Variants in NAALADL2 observed in about 807,000 individuals in gnomAD.
NAALADL2 encodes the protein inactive N-acetylated-alpha-linked acidic dipeptidase-like protein 2.
A neutral mutation model predicts 87.2 loss-of-function variants in NAALADL2; 76 were observed. The ratio of observed to expected loss-of-function variants is 0.87; its 90% confidence interval spans 0.72 to 1.05. The LOEUF (loss-of-function observed/expected upper bound fraction) is 1.05, where lower values mean the gene tolerates loss of function less well. Among genes scored for constraint, NAALADL2 ranks in the 50% least tolerant of loss-of-function variants. NAALADL2 has a pLI of 0.00. For missense variants in NAALADL2, 1,089 were observed against 945.8 expected, an observed-to-expected ratio of 1.15 and a Z score of -1.99; for synonymous variants, 354 against 331.0, an observed-to-expected ratio of 1.07 and a Z score of -0.75.
chr3:175,448,973 C>T (rs1581932997), intron 6 of NAALADL2, among the ~76,000 whole-genome samples: 1 of 152,240 alleles, frequency 6.6e-6, no homozygotes, highest in Admixed American at 6.5e-5. Flanking sequence ...GCCTCAGCCT[C>T]CCAAAGTGCT....
intron 2 of NAALADL2, among the ~76,000 whole-genome samples, chr3:174,734,921 A>G (rs1165172531): frequency 6.6e-6 from 1 of 152,174 alleles, no homozygotes; most frequent in African/African-American, 2.4e-5. Context: ...ATGAGTGTGA[A>G]AAACTGAGGA....
intron 5 of NAALADL2, among the ~76,000 whole-genome samples, chr3:175,383,205 G>T (rs1401988159): frequency 1.3e-5 from 2 of 151,946 alleles, no homozygotes; most frequent in African/African-American, 4.8e-5. Context: ...CAGTCTCTTA[G>T]TTGTTTTGAA....
At chr3:174,833,746 A>G (rs1289297648) in intron 3 of NAALADL2, among the ~76,000 whole-genome samples, 1 of 151,800 alleles carries the variant, frequency 6.6e-6, no homozygotes. Flanking sequence ...AGTTTCATTT[A>G]ACACTTGAAA....
intron 1 of NAALADL2, among the ~76,000 whole-genome samples, chr3:174,927,269 A>T (rs1736204147): frequency 6.6e-6 from 1 of 152,208 alleles, no homozygotes; most frequent in African/African-American, 2.4e-5. Context: ...GGAGAATTTA[A>T]CACCCCACTG....
At chr3:174,790,680 A>G (rs1717357936) in intron 3 of NAALADL2, among the ~76,000 whole-genome samples, 1 of 152,094 alleles carries the variant, frequency 6.6e-6, no homozygotes, top group Non-Finnish European at 1.5e-5. Context: ...AGTAAGAAAA[A>G]ATCATTTTGT....
At chr3:175,783,564 C>T in intron 13 of NAALADL2, among the ~76,000 whole-genome samples, 1 of 150,386 alleles carries the variant, frequency 6.6e-6, no homozygotes, top group Non-Finnish European at 1.5e-5. Context: ...TATCCTGAGA[C>T]TTTGCTGAAG....
At chr3:174,722,208 C>T (rs1227804612) in intron 2 of NAALADL2, among the ~76,000 whole-genome samples, 1 of 152,144 alleles carries the variant, frequency 6.6e-6, no homozygotes, top group Non-Finnish European at 1.5e-5. Context: ...ATGCTGTAGT[C>T]CCAACTCATG....
intron 2 of NAALADL2, among the ~76,000 whole-genome samples, chr3:175,199,848 ATATATATATATATATAT>A (rs1739651848): frequency 5.9e-5 from 1 of 16,930 alleles, no homozygotes; most frequent in Non-Finnish European, 9.9e-5. Context: ...ATATATATAT[ATATATATATATATATAT>A]TTTTTTTTTT....
At chr3:174,509,375 A>T in intron 1 of NAALADL2, among the ~76,000 whole-genome samples, 1 of 149,240 alleles carries the variant, frequency 6.7e-6, no homozygotes, top group Admixed American at 6.7e-5. Flanking sequence ...AGAGAGAGAG[A>T]GCGAGCTCTG....
chr3:175,662,746 A>G (rs538689290), intron 11 of NAALADL2, among the ~76,000 whole-genome samples: 2 of 152,016 alleles, frequency 1.3e-5, no homozygotes, highest in African/African-American at 4.8e-5. Flanking sequence ...ATCTATTGAA[A>G]TAATCATTTG....
At chr3:175,578,103 C>CTTT (rs138558746) in intron 10 of NAALADL2, among the ~76,000 whole-genome samples, 1 of 151,522 alleles carries the variant, frequency 6.6e-6, no homozygotes, top group Non-Finnish European at 1.5e-5. Flanking sequence ...TGGGCTTCTG[C>CTTT]TTTTTTTTAA....
intron 9 of NAALADL2, among the ~76,000 whole-genome samples, chr3:175,518,187 T>C (rs956989748): frequency 6.6e-5 from 10 of 152,222 alleles, no homozygotes; most frequent in African/African-American, 2.4e-4. Flanking sequence ...GATTTTGGGC[T>C]GCCTTTCATT....
chr3:175,496,977 A>T (rs1212189635), intron 9 of NAALADL2, among the ~76,000 whole-genome samples: 1 of 152,162 alleles, frequency 6.6e-6, no homozygotes, highest in Admixed American at 6.5e-5. Flanking sequence ...GACTTTATAG[A>T]TGATAAATTA....
chr3:174,668,750 C>T lies in NAALADL2; in HGVS notation c.-114-68891C>T, dbSNP rs1028206036. The stretch of plus-strand genomic sequence containing the variant: ...TCCATGTCCCTACAAAGGACATGAA[C>T]TCATCATTTTTTATGGCTGCATAAT... On this transcript the variant is annotated intron_variant, in intron 2 of 3. Coordinates refer to the NAALADL2 transcript ENST00000434257. Among the ~76,000 whole-genome samples the T allele has an allele frequency of 5.3e-5, 8 of 152,184 alleles. 1 individual carries two copies. In the East Asian group the frequency reaches 5.8e-4, roughly 11 times the overall value.
intron 2 of NAALADL2, among the ~76,000 whole-genome samples, chr3:175,134,439 G>A (rs962782993): frequency 6.6e-6 from 1 of 151,260 alleles, no homozygotes; most frequent in South Asian, 2.1e-4. Flanking sequence ...TTTTGGGGGG[G>A]TCCTTTTTCA....
intron 3 of NAALADL2, among the ~76,000 whole-genome samples, chr3:174,792,295 G>C (rs1717557626): frequency 6.6e-6 from 1 of 151,884 alleles, no homozygotes; most frequent in Admixed American, 6.6e-5. Flanking sequence ...AAGGAGGGAG[G>C]GAGGGAGGCA....
chr3:175,705,046 G>A (rs75465191), intron 11 of NAALADL2, among the ~76,000 whole-genome samples: 1 of 152,250 alleles, frequency 6.6e-6, no homozygotes, highest in East Asian at 1.9e-4. Context: ...ATCCCAGATG[G>A]AGAGCACAAC....
Position 175,755,318 on chromosome 3 carries a change from C to G in NAALADL2, c.2089C>G (p.Pro697Ala), listed in dbSNP as rs758447089. 1.9e-6 allele frequency: 3 copies of G among 1,613,432 alleles called. No individual in the cohort carries two copies. In the Admixed American group the frequency reaches 5.0e-5, roughly 27 times the overall value. The change falls in exon 13 of 14, where the codon CCC becomes GCC. Residue 697 changes from proline (P) to alanine (A), a missense_variant. Coordinates refer to ENST00000454872, the MANE Select transcript of NAALADL2 (RefSeq NM_207015.3). ...TGATGAGATGCGACCTGCTAATGATCCCAAGGAGAGAGCACCCATCCGCAT... is the reference window on the plus strand; with the variant it reads ...TGATGAGATGCGACCTGCTAATGATGCCAAGGAGAGAGCACCCATCCGCAT... ...QSDEMRPAND[P>A]KERAPIRIRM... is the part of the protein sequence containing the mutation.
intron 1 of NAALADL2, among the ~76,000 whole-genome samples, chr3:175,020,306 A>T (rs1482920873): frequency 6.6e-6 from 1 of 152,062 alleles, no homozygotes; most frequent in Non-Finnish European, 1.5e-5. Flanking sequence ...TAATGATGCG[A>T]TCTGTGAGGA....
Sources: allele counts gnomAD v4.1 joint callset (sites outside exome capture counted in the v4.1 genomes callset), GRCh38; gene constraint gnomAD v4.1.1; transcripts MANE v1.5; gene names NCBI Gene and HGNC (gene_info 2026-07-23, HGNC 2026-07-21).